Variants in ZNF423 observed in about 807,000 individuals in gnomAD.
The protein encoded by ZNF423 is zinc finger protein 423, also known as Ebf-associated zinc finger protein.
Under a neutral mutation model 95.8 loss-of-function variants are expected in ZNF423, and 12 were observed. The observed-to-expected ratio is 0.13, with a 90% CI of 0.08 to 0.20. The LOEUF (loss-of-function observed/expected upper bound fraction) is 0.20. Ranked by LOEUF, ZNF423 falls within the 10% of genes least tolerant of loss-of-function variation. ZNF423 has a pLI of 1.00. For missense variants in ZNF423, 1,316 were observed against 1,737.1 expected (o/e 0.76, Z 4.31); for synonymous variants, 749 against 711.9 (o/e 1.05, Z -0.83).
Position 49,637,389 on chromosome 16 carries a change from T to C in ZNF423, c.1787A>G (p.His596Arg). 1 of 1,614,168 alleles carries C rather than the reference T, an allele frequency of 6.2e-7. No individual in the cohort carries two copies. Among genetic ancestry groups the C allele is most frequent in the Non-Finnish European group, 8.5e-7 (1 of 1,180,030 alleles). ...LKLTKHIKENHKNIPLAHSKK... is the reference protein window; with the variant it reads ...LKLTKHIKENRKNIPLAHSKK... ...GCTGTGGGCCAGTGGAATGTTCTTG[T>C]GGTTCTCCTTGATGTGCTTGGTGAG... The change falls in exon 4 of 8, where the codon CAC becomes CGC. Residue 596 changes from histidine to arginine, a missense_variant. Transcript: ENST00000563137. The surrounding 1 kb of genome is among the most constrained non-coding windows in gnomAD (Gnocchi z 5.6).
intron 5 of ZNF423, among the ~76,000 whole-genome samples, chr16:49,569,084 AC>A (rs1342263260): frequency 6.6e-6 from 1 of 152,142 alleles, no homozygotes; most frequent in Non-Finnish European, 1.5e-5. Flanking sequence ...TGCGCATGCC[AC>A]TGGTGACCAA....
chr16:49,750,734 G>T (rs1417458105), intron 2 of ZNF423, among the ~76,000 whole-genome samples: 3 of 152,208 alleles, frequency 2.0e-5, no homozygotes, highest in Non-Finnish European at 2.9e-5. Flanking sequence ...TAAAATCATT[G>T]CTGTGAGTGA....
chr16:49,739,808 C>T (rs781167054), intron 2 of ZNF423, among the ~76,000 whole-genome samples: 1 of 151,180 alleles, frequency 6.6e-6, no homozygotes, highest in Non-Finnish European at 1.5e-5. Flanking sequence ...AAGCAATCCT[C>T]CCACATCAGC....
chr16:49,685,483 A>G (rs2031529370), intron 3 of ZNF423, among the ~76,000 whole-genome samples: 1 of 152,152 alleles, frequency 6.6e-6, no homozygotes, highest in African/African-American at 2.4e-5. Flanking sequence ...GCCCTGGTGC[A>G]GTTCAGTCAG....
At chr16:49,551,404 A>C (rs1356007850) in intron 5 of ZNF423, among the ~76,000 whole-genome samples, 1 of 152,168 alleles carries the variant, frequency 6.6e-6, no homozygotes, top group Non-Finnish European at 1.5e-5. Flanking sequence ...CACACACATC[A>C]GCTTCTTCAA....
chr16:49,572,170 C>A (rs757243706), intron 5 of ZNF423, among the ~76,000 whole-genome samples: 1 of 152,134 alleles, frequency 6.6e-6, no homozygotes, highest in Non-Finnish European at 1.5e-5. Context: ...GGAGTGGAGA[C>A]AACACAGACC....
intron 3 of ZNF423, among the ~76,000 whole-genome samples, chr16:49,641,003 G>A (rs553088777): frequency 3.9e-5 from 6 of 152,284 alleles, no homozygotes; most frequent in Admixed American, 2.6e-4. Flanking sequence ...GGACCTACTC[G>A]GCCCCCGCTC....
intron 2 of ZNF423, among the ~76,000 whole-genome samples, chr16:49,742,069 CT>C (rs776339713): frequency 2.0e-5 from 3 of 152,250 alleles, no homozygotes; most frequent in African/African-American, 4.8e-5. Context: ...GTGCCAGCCC[CT>C]GTTCTAGATG....
At chr16:49,851,313 C>T in intron 1 of ZNF423, among the ~76,000 whole-genome samples, 1 of 152,202 alleles carries the variant, frequency 6.6e-6, no homozygotes, top group African/African-American at 2.4e-5. Flanking sequence ...AGCCGGGGAG[C>T]ATGTCTGCAC....
intron 5 of ZNF423, among the ~76,000 whole-genome samples, chr16:49,537,488 C>T (rs1158607114): frequency 6.6e-6 from 1 of 152,168 alleles, no homozygotes; most frequent in East Asian, 1.9e-4. Flanking sequence ...AATTCAAACG[C>T]AACATGGAAT....
At chr16:49,768,914 G>A (rs1315246949) in intron 2 of ZNF423, among the ~76,000 whole-genome samples, 2 of 152,106 alleles carry the variant, frequency 1.3e-5, no homozygotes, top group Non-Finnish European at 2.9e-5. Context: ...ACACCGAGCT[G>A]CCCTACGCCC....
At chr16:49,609,152 G>A (rs1186848968) in intron 5 of ZNF423, among the ~76,000 whole-genome samples, 1 of 152,118 alleles carries the variant, frequency 6.6e-6, no homozygotes, top group African/African-American at 2.4e-5. Context: ...TATGAGTGGA[G>A]ACCTAGGGAG....
At chr16:49,621,355 T>C (rs1299828476) in intron 5 of ZNF423, among the ~76,000 whole-genome samples, 3 of 152,096 alleles carry the variant, frequency 2.0e-5, no homozygotes, top group African/African-American at 7.2e-5. Flanking sequence ...ACCCTCGCCT[T>C]TCTATCAGAT....
rs1443911837 is a variant in ZNF423 at position 49,761,121 on chromosome 16, G to A, written c.100+28366C>T. On this transcript the variant is annotated intron_variant, in intron 2 of 7. Coordinates refer to ENST00000563137, the MANE Select transcript of ZNF423 (RefSeq NM_001379286.1). ...TTGCCTCCCAAACACAGTGTGACCT[G>A]AGAGAGGTTCAGCCCAGGTTACTTG... Among the ~76,000 whole-genome samples, 4 of 152,204 alleles carry A rather than the reference G, an allele frequency of 2.6e-5. No homozygotes were observed. The East Asian group carries it at 7.7e-4, about 29-fold the overall frequency.
chr16:49,817,393 AAGTCC>A (rs2034872791), intron 1 of ZNF423, among the ~76,000 whole-genome samples: 4 of 152,236 alleles, frequency 2.6e-5, no homozygotes, highest in Non-Finnish European at 5.9e-5. Context: ...GCACTTGCAG[AAGTCC>A]ACTCTCTGGG....
chr16:49,683,743 A>G (rs1169099986), intron 3 of ZNF423, among the ~76,000 whole-genome samples: 1 of 152,228 alleles, frequency 6.6e-6, no homozygotes, highest in East Asian at 1.9e-4. Context: ...AGCAGCTACA[A>G]GACAGCCTGG....
At chr16:49,663,657 G>A (rs940928167) in intron 3 of ZNF423, among the ~76,000 whole-genome samples, 1 of 152,180 alleles carries the variant, frequency 6.6e-6, no homozygotes, top group African/African-American at 2.4e-5. Context: ...CCAGAGGCAG[G>A]CAAGCACTTG....
At position 49,577,740 on chromosome 16, in the gene ZNF423, C is replaced by T. The variant is rs569200693; in HGVS notation, c.3601+48430G>A. On this transcript the variant is annotated intron_variant, in intron 5 of 7. Coordinates refer to ENST00000563137, the MANE Select transcript of ZNF423 (RefSeq NM_001379286.1). ...ACTCATGGAGAGAAGGATTTCCCCA[C>T]GCCCCACTGATGGCACAAGAGGGAG... Among the ~76,000 whole-genome samples the T allele has an allele frequency of 1.0e-3, 155 of 152,274 alleles. 2 individuals are homozygous for T. Among genetic ancestry groups the T allele is most frequent in the Non-Finnish European group, 1.6e-3 (112 of 68,022 alleles).
At chr16:49,518,049 T>C (rs1277117689) in intron 7 of ZNF423, 1 of 452,204 alleles carries the variant, frequency 2.2e-6, no homozygotes, top group Non-Finnish European at 4.4e-6. Flanking sequence ...TATTGGCGGC[T>C]CACAATCTGG....
Sources: allele counts gnomAD v4.1 joint callset (sites outside exome capture counted in the v4.1 genomes callset), GRCh38; gene constraint gnomAD v4.1.1; non-coding constraint Gnocchi (gnomAD v3.1); transcripts MANE v1.5; gene names NCBI Gene and HGNC (gene_info 2026-07-23, HGNC 2026-07-21).